The following COX4I2 variants were observed in gnomAD, a reference collection of about 807,000 sequenced individuals.
COX4I2 encodes cytochrome c oxidase subunit 4 isoform 2, mitochondrial.
COX4I2 carries 15 observed loss-of-function variants against 20.8 expected under a neutral mutation model. The ratio of observed to expected loss-of-function variants is 0.72; its 90% CI spans 0.48 to 1.11. COX4I2 has a LOEUF of 1.11. Among genes scored for constraint, COX4I2 ranks in the 50% most tolerant of loss-of-function variants. COX4I2 has a pLI of 0.00. For synonymous variants in COX4I2, 80 were observed against 78.1 expected, an observed-to-expected ratio of 1.02 and a Z score of -0.13; for missense variants, 224 against 223.0, an observed-to-expected ratio of 1.00 and a Z score of -0.03.
At position 31,640,157 on chromosome 20, in the gene COX4I2, T is replaced by C. The variant is rs989087054; in HGVS notation, c.247+60T>C. ...GGTTGGGGGCTGACTTTGGAAAGAA[T>C]GGCCTGTCAGGGATCAGAGGGCAGA... is the stretch of plus-strand genomic sequence containing the variant. On this transcript the variant is annotated intron_variant, in intron 3 of 4. Transcript: ENST00000376075. 2.0e-6 allele frequency: 3 copies of C among 1,534,074 alleles called. No individual in the cohort carries two copies. In the African/African-American group the frequency reaches 4.1e-5, roughly 21 times the overall value.
At chr20:31,640,798 C>T (rs2060463302) in intron 3 of COX4I2, among the ~76,000 whole-genome samples, 1 of 152,140 alleles carries the variant, frequency 6.6e-6, no homozygotes, top group Non-Finnish European at 1.5e-5. Context: ...TCATGCTTCT[C>T]ACATTCATTC....
At chr20:31,642,912 A>G (rs938311537) in intron 3 of COX4I2, among the ~76,000 whole-genome samples, 9 of 152,058 alleles carry the variant, frequency 5.9e-5, no homozygotes, top group Non-Finnish European at 2.9e-5. Flanking sequence ...ATGAAATCCA[A>G]ACTCTTCTCC....
At position 31,639,849 on chromosome 20, in the gene COX4I2, C is replaced by G. The variant is rs372010772; in HGVS notation, c.83-84C>G. The G allele has an allele frequency of 4.6e-6, 7 of 1,516,134 alleles. No homozygotes were observed. In the East Asian group the frequency reaches 1.2e-4, roughly 25 times the overall value. The allele number at this position is 1,516,134 out of a possible 1,614,324, so 93.9% of individuals were successfully genotyped here. A position where few individuals can be genotyped will look rare whatever the true frequency, so the allele number is the denominator to read the frequency against. On this transcript the variant is annotated intron_variant, in intron 2 of 4. Transcript: ENST00000376075. ...AGGATTACAGGCATGAGCCACCAAG[C>G]CCGGCCACCTTCTTTATTAATATAG...
intron 3 of COX4I2, among the ~76,000 whole-genome samples, chr20:31,641,701 C>A (rs957943169): frequency 6.8e-6 from 1 of 148,128 alleles, no homozygotes; most frequent in Admixed American, 6.8e-5. Flanking sequence ...GCTCAAACAA[C>A]TTTTTTTTTT....
Position 31,639,938 on chromosome 20 carries a change from G to C in COX4I2, c.88G>C (p.Gly30Arg), listed in dbSNP as rs148327783. ...GMHSSEGTTR[G>R]GGKMSPYTNC... ...TCCCTCCATTGTGTCTGCAGCCCGT[G>C]GTGGGGGGAAGATGTCCCCCTACAC... Residue 30 changes from glycine (G) to arginine (R), a missense_variant, in exon 3 of 5, where the codon GGT becomes CGT. Physicochemically the swap from Gly to Arg is moderately radical, Grantham distance 125. Transcript: ENST00000376075. The C allele has an allele frequency of 1.3e-3, 2,045 of 1,614,038 alleles. 3 individuals carry two copies. Among genetic ancestry groups the C allele is most frequent in the Non-Finnish European group, 1.6e-3 (1,891 of 1,179,972 alleles).
In COX4I2 at chr20:31,639,024, C is replaced by T. The variant is rs1010927476; in HGVS notation, c.7C>T (p.Pro3Ser). The T allele has an allele frequency of 3.7e-6, 6 of 1,610,730 alleles. No homozygotes were observed. Among genetic ancestry groups the T allele is most frequent in the Non-Finnish European group, 5.1e-6 (6 of 1,178,850 alleles). The change falls in exon 2 of 5, where the codon CCC (proline) becomes TCC (serine). Residue 3 changes from proline (P) to serine (S), a missense_variant. Pro to Ser is a moderately conservative substitution (Grantham distance 74). Coordinates refer to ENST00000376075, the MANE Select transcript of COX4I2 (RefSeq NM_032609.3). Reference sequence around the variant, plus strand: ...TATACCTTCACGCCCCCAGATGCTCCCCAGAGCTGCCTGGAGCTTGGTGCT... The same window carrying T: ...TATACCTTCACGCCCCCAGATGCTCTCCAGAGCTGCCTGGAGCTTGGTGCT... ML[P>S]RAAWSLVLRK...
chr20:31,638,980 T>C, intron 1 of COX4I2, 38 bp from the exon 2 acceptor site: 1 of 1,577,282 alleles, frequency 6.3e-7, no homozygotes, highest in East Asian at 2.3e-5. Flanking sequence ...CAGAGGGTGA[T>C]GTGGGGGCAG....
intron 4 of COX4I2, 130 bp from the exon 5 acceptor site, chr20:31,644,638 G>A: frequency 9.3e-7 from 1 of 1,073,068 alleles, no homozygotes. Flanking sequence ...CTCAGTGCAA[G>A]ATACTTCAAC....
chr20:31,638,539 A>G (rs1194552729), intron 1 of COX4I2, among the ~76,000 whole-genome samples: 2 of 150,834 alleles, frequency 1.3e-5, no homozygotes, highest in East Asian at 4.1e-4. Flanking sequence ...ATTAGGGGGG[A>G]AGGGGTGGGG....
At chr20:31,638,436 G>T (rs1380819008) in intron 1 of COX4I2, among the ~76,000 whole-genome samples, 1 of 146,876 alleles carries the variant, frequency 6.8e-6, no homozygotes, top group African/African-American at 2.5e-5. Context: ...GTCTTCCCTG[G>T]GGGTGGGAGA....
intron 3 of COX4I2, 65 bp from the exon 4 acceptor site, chr20:31,643,339 G>A (rs1405706344): frequency 6.2e-7 from 1 of 1,600,818 alleles, no homozygotes; most frequent in Non-Finnish European, 8.5e-7. Flanking sequence ...TGCAGGGAGG[G>A]GGAAGCCGGG....
At chr20:31,642,349 C>A (rs2060472883) in intron 3 of COX4I2, among the ~76,000 whole-genome samples, 1 of 151,240 alleles carries the variant, frequency 6.6e-6, no homozygotes, top group South Asian at 2.1e-4. Flanking sequence ...CCAAGGAATT[C>A]TGCTGCCAGC....
intron 3 of COX4I2, among the ~76,000 whole-genome samples, chr20:31,641,364 A>G (rs1412843253): frequency 3.3e-5 from 4 of 119,954 alleles, no homozygotes; most frequent in Non-Finnish European, 4.9e-5. Context: ...ACCCTGTCTG[A>G]AAAAAAAAAA....
At chr20:31,638,910 C>A in intron 1 of COX4I2, 108 bp from the exon 2 acceptor site, 1 of 1,157,308 alleles carries the variant, frequency 8.6e-7, no homozygotes, top group South Asian at 1.3e-5. Context: ...CACTGGGACA[C>A]CCCTACCACT....
At chr20:31,639,902 C>T (rs758343953) in intron 2 of COX4I2, 31 bp from the exon 3 acceptor site, 2 of 1,613,466 alleles carry the variant, frequency 1.2e-6, no homozygotes, top group Non-Finnish European at 1.7e-6. Flanking sequence ...CAAGGGCAGC[C>T]TGGACTCAGC....
intron 1 of COX4I2, among the ~76,000 whole-genome samples, chr20:31,638,303 C>T (rs1311597644): frequency 6.6e-6 from 1 of 151,646 alleles, no homozygotes; most frequent in Non-Finnish European, 1.5e-5. Flanking sequence ...GTTGGGTGCC[C>T]CTCTCTCTCC....
At position 31,644,916 on chromosome 20, in the gene COX4I2, A is replaced by G. The variant is rs1364812203; in HGVS notation, c.*12A>G. 15 of 1,612,964 alleles carry G rather than the reference A, an allele frequency of 9.3e-6. No homozygotes were observed. The highest frequency in any genetic ancestry group is 1.2e-5 in the Non-Finnish European group (14 of 1,179,550). On this transcript the variant is annotated 3_prime_UTR_variant, in exon 5 of 5. Transcript: ENST00000376075. Reference sequence around the variant, plus strand: ...AGTGGAAGAAGTGACTTGCATCCCCAGCTGTCTCCCTGAGGCTCCGCCCTG... The same window carrying G: ...AGTGGAAGAAGTGACTTGCATCCCCGGCTGTCTCCCTGAGGCTCCGCCCTG...
intron 4 of COX4I2, 125 bp downstream of exon 4, chr20:31,643,660 G>A: frequency 4.4e-6 from 5 of 1,141,722 alleles, no homozygotes; most frequent in Non-Finnish European, 6.5e-6. Flanking sequence ...CTGAAGAGGT[G>A]TAGGGTGAAG....
rs753597922 is a variant in COX4I2 at position 31,643,494 on chromosome 20, T to C, written c.338T>C (p.Ile113Thr). 94 of 1,614,054 alleles carry C rather than the reference T, an allele frequency of 5.8e-5. No individual in the cohort carries two copies. Among genetic ancestry groups the C allele is most frequent in the East Asian group, 6.7e-5 (3 of 44,892 alleles). The change falls in exon 4 of 5, where the codon ATT becomes ACT. Residue 113 changes from isoleucine (I) to threonine (T), a missense_variant. Transcript: ENST00000376075. ...KTVMGCVFFF[I>T]GFAALVIWWQ... is the part of the protein sequence containing the mutation. ...GTGATGGGTTGTGTCTTCTTCTTCA[T>C]TGGATTCGCAGCTCTGGTGATTTGG...
Sources: gnomAD v4.1 joint callset for allele counts (sites outside exome capture counted in the v4.1 genomes callset) on GRCh38, gnomAD v4.1.1 for gene constraint, MANE v1.5 for transcripts, NCBI Gene and HGNC (gene_info 2026-07-23, HGNC 2026-07-21) for gene names.